SORCS3: variants seen among roughly 807,000 people sequenced by gnomAD.
The protein encoded by SORCS3 is sortilin related VPS10 domain containing receptor 3.
SORCS3 carries 57 observed loss-of-function variants against 146.3 expected under a neutral mutation model. The observed-to-expected ratio is 0.39, with a 90% CI of 0.31 to 0.49. The LOEUF (loss-of-function observed/expected upper bound fraction) is 0.49. SORCS3 is among the 20% of genes least tolerant of loss of function. The pLI, the probability that SORCS3 is intolerant of heterozygous loss-of-function variation, is 0.92. For synonymous variants in SORCS3, 653 were observed against 618.5 expected (o/e 1.06, Z -0.83); for missense variants, 1,341 against 1,575.5 (o/e 0.85, Z 2.52).
intron 14 of SORCS3, among the ~76,000 whole-genome samples, chr10:105,192,146 C>T (rs937436271): frequency 6.6e-6 from 1 of 152,080 alleles, no homozygotes; most frequent in Non-Finnish European, 1.5e-5. Context: ...AAACCTCATA[C>T]ATTTGGAAAC....
At chr10:104,793,032 A>G (rs1354230765) in intron 1 of SORCS3, among the ~76,000 whole-genome samples, 1 of 152,208 alleles carries the variant, frequency 6.6e-6, no homozygotes, top group African/African-American at 2.4e-5. Flanking sequence ...TCCCATTTTC[A>G]TCATCACAAC....
rs2055354517 is a variant in SORCS3, at chr10:105,044,135, G to A, written c.1028+1007G>A. ...TGTAATCTCAGTACTTTGAGAGGCT[G>A]AGGTGGGAGGATTGCTTGAGGCCAG... On this transcript the variant is annotated intron_variant, in intron 5 of 26. Coordinates refer to ENST00000369701, the MANE Select transcript of SORCS3 (RefSeq NM_014978.3). 2.6e-5 allele frequency among the ~76,000 whole-genome samples: 4 copies of A among 152,228 alleles called. No individual in the cohort carries two copies. In the South Asian group the frequency reaches 8.3e-4, roughly 32 times the overall value.
chr10:105,207,938 G>A lies in SORCS3; in HGVS notation c.2262-3199G>A, dbSNP rs150175541. 7.8e-3 allele frequency among the ~76,000 whole-genome samples: 1,194 copies of A among 152,184 alleles called. 13 individuals carry two copies. The highest frequency in any genetic ancestry group is 0.027 in the African/African-American group (1,138 of 41,506). On this transcript the variant is annotated intron_variant, in intron 16 of 26. Transcript: ENST00000369701. ...TTCATAGATTACCAGTAATCCCTAG[G>A]GTTAATGGGACATTCAATAGATTTA...
intron 1 of SORCS3, among the ~76,000 whole-genome samples, chr10:104,778,033 G>A (rs892647134): frequency 2.6e-5 from 4 of 152,058 alleles, no homozygotes; most frequent in Admixed American, 2.0e-4. Context: ...TAGATAGAAG[G>A]AATAAGATCT....
chr10:105,017,386 T>C (rs566987409), intron 4 of SORCS3, among the ~76,000 whole-genome samples: 1 of 152,178 alleles, frequency 6.6e-6, no homozygotes, highest in African/African-American at 2.4e-5. Flanking sequence ...ATAAAGAGTC[T>C]TCTCTGCTGA....
At chr10:104,733,869 C>T (rs993543237) in intron 1 of SORCS3, among the ~76,000 whole-genome samples, 2 of 152,148 alleles carry the variant, frequency 1.3e-5, no homozygotes, top group East Asian at 1.9e-4. Flanking sequence ...GTTCTTTTTT[C>T]AGCATCCCCT....
At chr10:104,718,217 A>C (rs2133443045) in intron 1 of SORCS3, among the ~76,000 whole-genome samples, 1 of 152,244 alleles carries the variant, frequency 6.6e-6, no homozygotes, top group East Asian at 1.9e-4. Context: ...CAAGTTTTGG[A>C]GGCTGAAAAG....
At position 105,157,252 on chromosome 10, in the gene SORCS3, G is replaced by T; in HGVS notation, c.1597G>T (p.Asp533Tyr). Residue 533 changes from aspartate to tyrosine, a missense_variant, in exon 10 of 27, where the codon GAC becomes TAC. Coordinates refer to ENST00000369701, the MANE Select transcript of SORCS3 (RefSeq NM_014978.3). ...GCGCCTGCTGCAAGCTCCGGATGTGGACCTGAGAGGAAGCCCAGTGCACTG... is the reference window on the plus strand; with the variant it reads ...GCGCCTGCTGCAAGCTCCGGATGTGTACCTGAGAGGAAGCCCAGTGCACTG... ...DWRLLQAPDV[D>Y]LRGSPVHCLL... is the part of the protein sequence containing the mutation. 1 of 1,614,088 alleles carries T rather than the reference G, an allele frequency of 6.2e-7. No individual in the cohort carries two copies. The highest frequency in any genetic ancestry group is 8.5e-7 in the Non-Finnish European group (1 of 1,179,956).
chr10:105,190,671 G>C (rs1231491560), intron 14 of SORCS3, among the ~76,000 whole-genome samples: 1 of 152,190 alleles, frequency 6.6e-6, no homozygotes, highest in African/African-American at 2.4e-5. Flanking sequence ...CAAAGTGCTG[G>C]GATTTCAGGC....
At chr10:105,187,190 CTCTT>C (rs1257335287) in intron 14 of SORCS3, among the ~76,000 whole-genome samples, 2 of 152,092 alleles carry the variant, frequency 1.3e-5, no homozygotes, top group African/African-American at 4.8e-5. Context: ...GCTTTTTAGT[CTCTT>C]TCTCGGTTTT....
intron 4 of SORCS3, among the ~76,000 whole-genome samples, chr10:104,985,929 T>C (rs2054959645): frequency 6.6e-6 from 1 of 152,070 alleles, no homozygotes; most frequent in Non-Finnish European, 1.5e-5. Context: ...GCAGAGGAGA[T>C]TTAGCATAAT....
chr10:104,814,259 T>C (rs1430619437), intron 1 of SORCS3, among the ~76,000 whole-genome samples: 1 of 152,134 alleles, frequency 6.6e-6, no homozygotes, highest in Non-Finnish European at 1.5e-5. Context: ...TGAGTAGTAT[T>C]ACTAGCCTTT....
chr10:104,967,505 A>G (rs1417719197), intron 3 of SORCS3, among the ~76,000 whole-genome samples: 2 of 152,100 alleles, frequency 1.3e-5, no homozygotes, highest in Non-Finnish European at 2.9e-5. Context: ...TTTTATAACC[A>G]TTGAACAGCA....
At chr10:105,105,308 T>TC (rs1365719419) in intron 6 of SORCS3, 89 bp from the exon 7 acceptor site, 2 of 725,416 alleles carry the variant, frequency 2.8e-6, no homozygotes, top group Non-Finnish European at 4.8e-6. Flanking sequence ...CCTTGTTGAT[T>TC]CCCCCATGAA....
chr10:104,904,626 A>G (rs2018884893), intron 2 of SORCS3, among the ~76,000 whole-genome samples: 4 of 151,958 alleles, frequency 2.6e-5, no homozygotes, highest in South Asian at 4.2e-4. Flanking sequence ...AAAAATATGT[A>G]ACAATATGTG....
intron 1 of SORCS3, among the ~76,000 whole-genome samples, chr10:104,680,044 T>C (rs1316171090): frequency 2.0e-5 from 3 of 152,216 alleles, no homozygotes; most frequent in Non-Finnish European, 4.4e-5. Flanking sequence ...CTAAAGTATG[T>C]AAAGGAGACC....
chr10:104,697,026 C>T (rs2016224553), intron 1 of SORCS3, among the ~76,000 whole-genome samples: 1 of 151,206 alleles, frequency 6.6e-6, no homozygotes, highest in Non-Finnish European at 1.5e-5. Context: ...ATAAGCTGAA[C>T]CAGTTCTGGG....
At chr10:104,735,938 A>G (rs1564671434) in intron 1 of SORCS3, among the ~76,000 whole-genome samples, 1 of 152,164 alleles carries the variant, frequency 6.6e-6, no homozygotes, top group Non-Finnish European at 1.5e-5. Flanking sequence ...ATACAGTAGT[A>G]GCCCAAGGTG....
intron 1 of SORCS3, among the ~76,000 whole-genome samples, chr10:104,741,700 GTTTTTTTTTTTTTTTTTTT>G (rs71022746): frequency 3.1e-4 from 1 of 3,244 alleles, no homozygotes; most frequent in Non-Finnish European, 5.6e-4. Flanking sequence ...TCCATTCTGG[GTTTTTTTTTTTTTTTTTTT>G]TTTTTTTTTT....
Sources: allele counts gnomAD v4.1 joint callset (sites outside exome capture counted in the v4.1 genomes callset), GRCh38; gene constraint gnomAD v4.1.1; transcripts MANE v1.5; gene names NCBI Gene and HGNC (gene_info 2026-07-23, HGNC 2026-07-21).